SORBS2: variants seen among roughly 807,000 people sequenced by gnomAD.
SORBS2 encodes the protein sorbin and SH3 domain containing 2, also known as sorbin and SH3 domain-containing protein 2.
In SORBS2, 46 loss-of-function variants were observed where a neutral mutation model predicts 97.7. The ratio of observed to expected loss-of-function variants is 0.47; its 90% CI spans 0.37 to 0.60. The LOEUF is 0.60. Among genes scored for constraint, SORBS2 ranks in the 20% least tolerant of loss-of-function variants. SORBS2 has a pLI of 0.00. For synonymous variants in SORBS2, 476 were observed against 473.4 expected (o/e 1.01, Z -0.07); for missense variants, 1,316 against 1,282.3 (o/e 1.03, Z -0.40).
chr4:185,926,803 T>C (rs2149947429), intron 1 of SORBS2, among the ~76,000 whole-genome samples: 1 of 152,238 alleles, frequency 6.6e-6, no homozygotes, highest in East Asian at 1.9e-4. Context: ...AAAGTGACTT[T>C]CATCATCACT....
At chr4:185,627,689 G>T (rs1186342144) in intron 5 of SORBS2, among the ~76,000 whole-genome samples, 1 of 152,094 alleles carries the variant, frequency 6.6e-6, no homozygotes, top group African/African-American at 2.4e-5. Context: ...GTCACCCCAA[G>T]TCCATAGTTT....
At chr4:185,725,311 G>A (rs906244106) in intron 2 of SORBS2, among the ~76,000 whole-genome samples, 4 of 152,204 alleles carry the variant, frequency 2.6e-5, no homozygotes, top group Non-Finnish European at 2.9e-5. Context: ...TTACACTGCT[G>A]TTGGATATTC....
intron 1 of SORBS2, among the ~76,000 whole-genome samples, chr4:185,952,266 A>T (rs1414622641): frequency 2.6e-5 from 4 of 152,060 alleles, no homozygotes; most frequent in Admixed American, 6.5e-5. Context: ...GACCTCAAGA[A>T]ATCCACCAGC....
chr4:185,932,428 C>A (rs1403666069), intron 1 of SORBS2, among the ~76,000 whole-genome samples: 3 of 151,696 alleles, frequency 2.0e-5, no homozygotes, highest in Non-Finnish European at 2.9e-5. Context: ...TTCTGGATGG[C>A]AAGGATGATT....
At chr4:185,893,203 TTATCA>T (rs1392341759) in intron 1 of SORBS2, among the ~76,000 whole-genome samples, 3 of 152,170 alleles carry the variant, frequency 2.0e-5, no homozygotes, top group Non-Finnish European at 2.9e-5. Context: ...CAGAAAGGCC[TTATCA>T]TACTAGGAAA....
At chr4:185,763,975 C>CT (rs2098919701) in intron 2 of SORBS2, among the ~76,000 whole-genome samples, 1 of 152,090 alleles carries the variant, frequency 6.6e-6, no homozygotes, top group African/African-American at 2.4e-5. Flanking sequence ...AAGTCACTAG[C>CT]TTTTTCCAAT....
chr4:185,824,627 C>T (rs1046632382), intron 1 of SORBS2, among the ~76,000 whole-genome samples: 2 of 152,038 alleles, frequency 1.3e-5, no homozygotes, highest in Non-Finnish European at 1.5e-5. Flanking sequence ...ATTCATACAT[C>T]GAGGAATTCC....
chr4:185,706,056 T>C (rs546757661), intron 2 of SORBS2, among the ~76,000 whole-genome samples: 18 of 65,604 alleles, frequency 2.7e-4, no homozygotes, highest in Middle Eastern at 8.2e-3. Context: ...GATGATTTTG[T>C]TTGAGTCTGA....
intron 4 of SORBS2, among the ~76,000 whole-genome samples, chr4:185,663,525 G>A (rs2097550284): frequency 6.6e-6 from 1 of 152,096 alleles, no homozygotes; most frequent in African/African-American, 2.4e-5. Context: ...TTGAGGACCT[G>A]CTCCCTGGAG....
At chr4:185,946,789 A>G (rs1281238177) in intron 1 of SORBS2, among the ~76,000 whole-genome samples, 1 of 152,262 alleles carries the variant, frequency 6.6e-6, no homozygotes, top group African/African-American at 2.4e-5. Flanking sequence ...GCCAAATAAG[A>G]CAATAAAACC....
intron 1 of SORBS2, among the ~76,000 whole-genome samples, chr4:185,951,556 C>G (rs2099277241): frequency 6.6e-6 from 1 of 152,238 alleles, no homozygotes; most frequent in African/African-American, 2.4e-5. Context: ...GGCTCCTGCA[C>G]TAATAGATGA....
At chr4:185,658,913 A>G (rs564335810), upstream of SORBS2, among the ~76,000 whole-genome samples, 606 of 152,070 alleles carry the variant, frequency 4.0e-3, 8 homozygotes, top group African/African-American at 0.014. Flanking sequence ...TCACCATGCT[A>G]GCTAGGATGG....
chr4:185,883,642 G>A (rs746822052), intron 1 of SORBS2, among the ~76,000 whole-genome samples: 22 of 152,184 alleles, frequency 1.4e-4, no homozygotes, highest in Non-Finnish European at 2.8e-4. Flanking sequence ...CAAACAAAAT[G>A]TGGTACATTT....
chr4:185,712,331 A>T (rs916578114), intron 2 of SORBS2, among the ~76,000 whole-genome samples: 2 of 152,206 alleles, frequency 1.3e-5, no homozygotes, highest in Non-Finnish European at 2.9e-5. Context: ...AGCTGGATTC[A>T]AGGGGAAGAC....
chr4:185,744,763 TG>T (rs1296807475), intron 2 of SORBS2, among the ~76,000 whole-genome samples: 2 of 152,202 alleles, frequency 1.3e-5, no homozygotes, highest in Admixed American at 1.3e-4. Flanking sequence ...AGAAGCCTAA[TG>T]GAATGAATGG....
intron 1 of SORBS2, among the ~76,000 whole-genome samples, chr4:185,830,981 G>C (rs930058605): frequency 4.6e-5 from 7 of 152,122 alleles, no homozygotes; most frequent in Admixed American, 1.3e-4. Flanking sequence ...TATTTTTTTA[G>C]ACCTGCTCTT....
At position 185,884,918 on chromosome 4, in the gene SORBS2, T is replaced by A. The variant is rs1413701671; in HGVS notation, c.-338+71278A>T. On this transcript the variant is annotated intron_variant, in intron 1 of 20. Transcript: ENST00000284776. The stretch of plus-strand genomic sequence containing the variant: ...ATCAAGTTACAGTCATACTGCTGAT[T>A]TCCCTACAGAAAGTCAGGCAGCCGA... Among the ~76,000 whole-genome samples, 3 of 152,222 alleles carry A rather than the reference T, an allele frequency of 2.0e-5. No individual in the cohort carries two copies. In the East Asian group the frequency reaches 5.8e-4, roughly 29 times the overall value.
chr4:185,612,149 A>G (rs2096548670), intron 11 of SORBS2, among the ~76,000 whole-genome samples, 169 bp from the exon 24 acceptor site: 1 of 152,212 alleles, frequency 6.6e-6, no homozygotes, highest in Non-Finnish European at 1.5e-5. Context: ...TACTAGAAAA[A>G]TACACATGAT....
chr4:185,710,998 C>T (rs2098415406), intron 2 of SORBS2, among the ~76,000 whole-genome samples: 2 of 151,918 alleles, frequency 1.3e-5, no homozygotes, highest in Admixed American at 1.3e-4. Flanking sequence ...GAGACAGGGT[C>T]TCTCTCCATT....
Sources: allele counts gnomAD v4.1 joint callset (sites outside exome capture counted in the v4.1 genomes callset), GRCh38; gene constraint gnomAD v4.1.1; transcripts MANE v1.5; gene names NCBI Gene and HGNC (gene_info 2026-07-23, HGNC 2026-07-21).